COL21A1: variants seen among roughly 807,000 people sequenced by gnomAD.
The protein encoded by COL21A1 is collagen type XXI alpha 1 chain, also known as collagen alpha-1(XXI) chain.
Under a neutral mutation model 137.9 loss-of-function variants are expected in COL21A1, and 149 were observed. The observed-to-expected ratio is 1.08, with a 90% confidence interval of 0.95 to 1.24. The LOEUF (loss-of-function observed/expected upper bound fraction) is 1.24. Ranked by LOEUF, COL21A1 falls within the 50% of genes most tolerant of loss-of-function variation. COL21A1 has a pLI of 0.00. For missense variants in COL21A1, 1,167 were observed against 1,158.4 expected, an observed-to-expected ratio of 1.01 and a Z score of -0.11; for synonymous variants, 456 against 391.5, an observed-to-expected ratio of 1.16 and a Z score of -1.95.
chr6:56,256,522 A>C (rs1782976956), intron 1 of COL21A1, among the ~76,000 whole-genome samples: 1 of 152,194 alleles, frequency 6.6e-6, no homozygotes, highest in African/African-American at 2.4e-5. Flanking sequence ...CTTGATAAGC[A>C]AATACTCAAA....
chr6:56,117,892 T>A (rs1772079771), intron 16 of COL21A1, among the ~76,000 whole-genome samples: 1 of 151,874 alleles, frequency 6.6e-6, no homozygotes, highest in African/African-American at 2.4e-5. Flanking sequence ...CAAGTAATCA[T>A]GGAAACACAG....
At chr6:56,221,596 A>T (rs1196855218) in intron 1 of COL21A1, among the ~76,000 whole-genome samples, 2 of 152,074 alleles carry the variant, frequency 1.3e-5, no homozygotes, top group Non-Finnish European at 2.9e-5. Context: ...GTCGTGTCAC[A>T]CACCTATAAT....
At chr6:56,262,544 G>A (rs949837140) in intron 1 of COL21A1, among the ~76,000 whole-genome samples, 2 of 152,108 alleles carry the variant, frequency 1.3e-5, no homozygotes, top group Admixed American at 6.5e-5. Context: ...GAAAGAAGGA[G>A]AATGTATTTT....
intron 1 of COL21A1, among the ~76,000 whole-genome samples, chr6:56,307,008 G>A (rs1764477679): frequency 1.3e-5 from 2 of 152,162 alleles, no homozygotes. Context: ...TGTTTGCCTG[G>A]GTATCAGCAG....
At chr6:56,090,251 T>G (rs1055578913) in intron 17 of COL21A1, among the ~76,000 whole-genome samples, 1 of 152,036 alleles carries the variant, frequency 6.6e-6, no homozygotes, top group African/African-American at 2.4e-5. Context: ...AAAAAAGATT[T>G]CTTAGAACAA....
intron 17 of COL21A1, among the ~76,000 whole-genome samples, chr6:56,086,783 T>C (rs1023501800): frequency 1.3e-5 from 2 of 152,226 alleles, no homozygotes; most frequent in African/African-American, 4.8e-5. Context: ...GCAATCCTTC[T>C]TCCACTATTT....
intron 1 of COL21A1, among the ~76,000 whole-genome samples, chr6:56,206,192 T>C (rs982794074): frequency 1.3e-5 from 2 of 151,852 alleles, no homozygotes; most frequent in Non-Finnish European, 2.9e-5. Flanking sequence ...GACTGGCAAA[T>C]TGGATAAAGA....
At chr6:56,294,286 C>G (rs560980473) in intron 1 of COL21A1, among the ~76,000 whole-genome samples, 31 of 152,096 alleles carry the variant, frequency 2.0e-4, no homozygotes, top group African/African-American at 7.0e-4. Context: ...AACTGAAAAT[C>G]AATCAATACA....
In COL21A1 at chr6:56,075,485, C is replaced by G. The variant is rs1767148684; in HGVS notation, c.1905G>C (p.Gly635=). 1.3e-6 allele frequency: 2 copies of G among 1,538,006 alleles called. No homozygotes were observed. The highest frequency in any genetic ancestry group is 2.8e-5 in the African/African-American group (2 of 71,718). ...GATAATGACATCAACATACAGGCAT[C>G]CCTGGGGCTCCTTTTTTTCCTTGCT... is the stretch of plus-strand genomic sequence containing the variant. ...PGQQGKKGAP[G]MPGLMGSNGS... Residue 635 remains glycine, a synonymous_variant, in exon 19 of 30, where the codon GGG becomes GGC. Coordinates refer to ENST00000244728, the MANE Select transcript of COL21A1 (RefSeq NM_030820.4).
Position 56,057,713 on chromosome 6 carries a change from G to A in COL21A1, c.2818C>T (p.Leu940=). The A allele has an allele frequency of 1.2e-6, 2 of 1,613,128 alleles. No homozygotes were observed. The highest frequency in any genetic ancestry group is 1.7e-6 in the Non-Finnish European group (2 of 1,179,554). ...CTTCTGGCAATTACACTAAAACATA[G>A]TGATGGGTCGCAGATGCCTGGGGGG... ...PGPPGICDPS[L]CFSVIARRDP... The change falls in exon 30 of 30, where the codon CTA becomes TTA. Residue 940 remains leucine, a synonymous_variant. Coordinates refer to ENST00000244728, the MANE Select transcript of COL21A1 (RefSeq NM_030820.4).
chr6:56,172,188 G>A (rs1298071954), intron 3 of COL21A1, among the ~76,000 whole-genome samples: 1 of 151,982 alleles, frequency 6.6e-6, no homozygotes, highest in Non-Finnish European at 1.5e-5. Flanking sequence ...CCTAATATAT[G>A]CTAAGTTAAA....
At chr6:56,284,408 G>A (rs1763856147) in intron 1 of COL21A1, among the ~76,000 whole-genome samples, 1 of 152,118 alleles carries the variant, frequency 6.6e-6, no homozygotes, top group Admixed American at 6.6e-5. Context: ...CGCACAATCT[G>A]GAAAACTTAC....
At chr6:56,274,111 A>G (rs955220634) in intron 1 of COL21A1, among the ~76,000 whole-genome samples, 2 of 152,208 alleles carry the variant, frequency 1.3e-5, no homozygotes, top group African/African-American at 4.8e-5. Context: ...ATTAAAAACA[A>G]AAACCTTATG....
intron 1 of COL21A1, among the ~76,000 whole-genome samples, chr6:56,331,398 T>C (rs1728567169): frequency 1.3e-5 from 2 of 152,114 alleles, no homozygotes; most frequent in Non-Finnish European, 2.9e-5. Flanking sequence ...CTTCCAGCAA[T>C]TTAATAGTTA....
rs537749380 is a variant in COL21A1, at chr6:56,283,231, T to C, written c.-38-100575A>G. Among the ~76,000 whole-genome samples, 3 of 140,108 alleles carry C rather than the reference T, an allele frequency of 2.1e-5. No individual in the cohort carries two copies. The South Asian group carries it at 6.7e-4, about 31-fold the overall frequency. The allele number at this position is 140,108 out of a possible 152,430, so 91.9% of individuals were successfully genotyped here. On this transcript the variant is annotated intron_variant, in intron 1 of 28. Transcript: ENST00000370819. ...AAGGTTCTCAGTGTAGCATTATTTGTAAAAGCAAAAAAAAAATGTCCAACA... is the reference window on the plus strand; with the variant it reads ...AAGGTTCTCAGTGTAGCATTATTTGCAAAAGCAAAAAAAAAATGTCCAACA...
intron 2 of COL21A1, 112 bp from the exon 3 acceptor site, chr6:56,180,241 TTGTC>T: frequency 1.2e-6 from 1 of 843,070 alleles, no homozygotes; most frequent in African/African-American, 1.7e-5. Context: ...TTATTTTAAA[TTGTC>T]TGTGAAATAT....
In COL21A1 at chr6:56,168,229, AAT is replaced by A. The variant is rs1309730842; in HGVS notation, c.1093_1094del (p.Ile365Ter). ...GCTTGTTTTCAATTTGTTGGTCATC[AAT>A]ATACAAAGTCACATCTTGTTCTGTT... ...LVTEQDVTLYIDDQQIENKPL... is the reference protein window; with the variant it reads ...LVTEQDVTLYXDDQQIENKPL... On this transcript the variant is annotated frameshift_variant, in exon 6 of 30. Coordinates refer to ENST00000244728, the MANE Select transcript of COL21A1 (RefSeq NM_030820.4). LOFTEE classifies it high-confidence loss of function. The A allele has an allele frequency of 6.4e-7, 1 of 1,574,254 alleles. No individual in the cohort carries two copies. The highest frequency in any genetic ancestry group is 1.3e-5 in the African/African-American group (1 of 74,424).
intron 9 of COL21A1, 68 bp downstream of exon 9, chr6:56,164,355 G>T: frequency 1.0e-6 from 1 of 1,002,836 alleles, no homozygotes; most frequent in Non-Finnish European, 1.5e-6. Flanking sequence ...TGGTGATTAG[G>T]AATTGTATGG....
chr6:56,181,387 T>A (rs1326601535), intron 2 of COL21A1, among the ~76,000 whole-genome samples: 1 of 148,694 alleles, frequency 6.7e-6, no homozygotes, highest in Non-Finnish European at 1.5e-5. Context: ...CTTTTATTGT[T>A]TTTTGTTTTT....
Sources: gnomAD v4.1 joint callset for allele counts (sites outside exome capture counted in the v4.1 genomes callset) on GRCh38, gnomAD v4.1.1 for gene constraint, MANE v1.5 for transcripts, NCBI Gene and HGNC (gene_info 2026-07-23, HGNC 2026-07-21) for gene names.